Variants in MARCHF4 observed in about 807,000 individuals in gnomAD.
MARCHF4 encodes the protein E3 ubiquitin-protein ligase MARCHF4.
MARCHF4 carries 14 observed loss-of-function variants against 43.9 expected under a neutral mutation model. That is an observed-to-expected ratio of 0.32 (90% confidence interval 0.21 to 0.50). The LOEUF (loss-of-function observed/expected upper bound fraction) is 0.50. Among genes scored for constraint, MARCHF4 ranks in the 20% least tolerant of loss-of-function variants. The pLI, the probability that MARCHF4 is intolerant of heterozygous loss-of-function variation, is 0.98. For missense variants in MARCHF4, 468 were observed against 536.7 expected (o/e 0.87, Z 1.27); for synonymous variants, 226 against 213.3 (o/e 1.06, Z -0.52).
At chr2:216,267,797 A>G (rs756259406) in intron 3 of MARCHF4, among the ~76,000 whole-genome samples, 7 of 152,232 alleles carry the variant, frequency 4.6e-5, no homozygotes, top group Admixed American at 3.3e-4. Context: ...TGTGCCAAAG[A>G]CAGTTCCCAA....
chr2:216,271,020 C>G (rs374101383), intron 3 of MARCHF4, among the ~76,000 whole-genome samples: 1 of 152,226 alleles, frequency 6.6e-6, no homozygotes, highest in South Asian at 2.1e-4. Context: ...CACATCTGTT[C>G]ATATTTCCCC....
chr2:216,345,229 G>A (rs1434367710), intron 1 of MARCHF4, among the ~76,000 whole-genome samples: 1 of 151,912 alleles, frequency 6.6e-6, no homozygotes, highest in African/African-American at 2.4e-5. Flanking sequence ...TTCTCCCCAC[G>A]AATACTGTAA....
chr2:216,300,687 G>A (rs1047848359), intron 1 of MARCHF4, among the ~76,000 whole-genome samples: 1 of 151,928 alleles, frequency 6.6e-6, no homozygotes, highest in Non-Finnish European at 1.5e-5. Flanking sequence ...TACATACAAA[G>A]CTCGAAGATA....
intron 1 of MARCHF4, among the ~76,000 whole-genome samples, chr2:216,308,600 C>T (rs2105954614): frequency 6.6e-6 from 1 of 152,312 alleles, no homozygotes; most frequent in Non-Finnish European, 1.5e-5. Flanking sequence ...GCCAGGCCTG[C>T]ACTCTGCTTC....
intron 1 of MARCHF4, among the ~76,000 whole-genome samples, chr2:216,356,844 G>A (rs926281502): frequency 1.3e-5 from 2 of 152,034 alleles, no homozygotes; most frequent in Admixed American, 1.3e-4. Flanking sequence ...CCAACATGGT[G>A]AAACCCCGTC....
intron 1 of MARCHF4, among the ~76,000 whole-genome samples, chr2:216,359,266 T>C (rs1385518030): frequency 6.6e-6 from 1 of 152,202 alleles, no homozygotes; most frequent in Non-Finnish European, 1.5e-5. Context: ...ACATGCCTCT[T>C]CTTTCCTAGT....
intron 1 of MARCHF4, among the ~76,000 whole-genome samples, chr2:216,305,768 C>A (rs1330124578): frequency 6.6e-6 from 1 of 152,216 alleles, no homozygotes; most frequent in African/African-American, 2.4e-5. Context: ...CAACTTGCAT[C>A]ATCCTGGTCA....
At chr2:216,281,717 C>T (rs1691131251) in intron 2 of MARCHF4, among the ~76,000 whole-genome samples, 1 of 152,164 alleles carries the variant, frequency 6.6e-6, no homozygotes, top group African/African-American at 2.4e-5. Context: ...ATGGCATTTA[C>T]TGAGCACACA....
intron 1 of MARCHF4, among the ~76,000 whole-genome samples, chr2:216,332,506 A>G (rs1217449087): frequency 1.3e-5 from 2 of 152,022 alleles, no homozygotes; most frequent in East Asian, 3.8e-4. Context: ...ACTGCTCTGT[A>G]TACGTGCCAG....
intron 1 of MARCHF4, among the ~76,000 whole-genome samples, chr2:216,342,673 G>T (rs1345388968): frequency 6.6e-6 from 1 of 152,098 alleles, no homozygotes; most frequent in African/African-American, 2.4e-5. Context: ...GTCTTAGTGA[G>T]GACTCAGAGA....
intron 3 of MARCHF4, among the ~76,000 whole-genome samples, chr2:216,266,886 T>C (rs1052498912): frequency 4.6e-5 from 7 of 152,268 alleles, no homozygotes; most frequent in African/African-American, 1.7e-4. Flanking sequence ...TGGACACAGG[T>C]ATGGCCAGGC....
At chr2:216,305,076 A>G (rs1051873617) in intron 1 of MARCHF4, among the ~76,000 whole-genome samples, 4 of 151,586 alleles carry the variant, frequency 2.6e-5, no homozygotes, top group Non-Finnish European at 5.9e-5. Flanking sequence ...ACTACCTCAC[A>G]AGGGTACCCA....
intron 1 of MARCHF4, among the ~76,000 whole-genome samples, chr2:216,345,176 G>C (rs1178627314): frequency 1.9e-5 from 2 of 105,940 alleles, no homozygotes; most frequent in Admixed American, 9.6e-5. Context: ...TAGATCCCTT[G>C]GTCTGTGAAA....
At chr2:216,339,341 T>C (rs564471702) in intron 1 of MARCHF4, among the ~76,000 whole-genome samples, 1 of 152,320 alleles carries the variant, frequency 6.6e-6, no homozygotes, top group East Asian at 1.9e-4. Flanking sequence ...CTACTTCCCA[T>C]GGTCCTCTCT....
In MARCHF4 at chr2:216,293,886, T is replaced by C. The variant is rs899031428; in HGVS notation, c.517-10157A>G. ...GGGTCTGGCGGAAAAAAAGGTCACG[T>C]TTAATGTGTACATTTATAATCATAT... On this transcript the variant is annotated intron_variant, in intron 1 of 3. Transcript: ENST00000273067. Among the ~76,000 whole-genome samples the C allele has an allele frequency of 3.0e-5, 4 of 134,052 alleles. 1 individual carries two copies. The highest frequency in any genetic ancestry group is 9.9e-5 in the African/African-American group (4 of 40,506). 87.9% of individuals were successfully genotyped at this position (134,052 alleles called of 152,430 possible).
At position 216,346,447 on chromosome 2, in the gene MARCHF4, T is replaced by C. The variant is rs374171821; in HGVS notation, c.516+23298A>G. ...CCTCAGTGTGCCAGCCTCTGCAAAATACTGAAGTAGACACAACACCTGCCC... is the reference window on the plus strand; with the variant it reads ...CCTCAGTGTGCCAGCCTCTGCAAAACACTGAAGTAGACACAACACCTGCCC... On this transcript the variant is annotated intron_variant, in intron 1 of 3. Coordinates refer to ENST00000273067, the MANE Select transcript of MARCHF4 (RefSeq NM_020814.3). Among the ~76,000 whole-genome samples, 37 of 152,304 alleles carry C rather than the reference T, an allele frequency of 2.4e-4. No homozygotes were observed. The South Asian group carries it at 7.2e-3, about 30-fold the overall frequency.
intron 1 of MARCHF4, among the ~76,000 whole-genome samples, chr2:216,347,611 C>T (rs554377286): frequency 6.6e-6 from 1 of 151,884 alleles, no homozygotes; most frequent in Admixed American, 6.5e-5. Flanking sequence ...GCCTGTAATC[C>T]CAGTTACTCA....
chr2:216,287,855 G>C (rs999366463), intron 1 of MARCHF4, among the ~76,000 whole-genome samples: 14 of 151,716 alleles, frequency 9.2e-5, no homozygotes, highest in Admixed American at 4.6e-4. Flanking sequence ...TTGAGTGTCT[G>C]TTCACCAGCT....
chr2:216,288,688 G>C (rs2105943572), intron 1 of MARCHF4, among the ~76,000 whole-genome samples: 1 of 152,184 alleles, frequency 6.6e-6, no homozygotes, highest in Middle Eastern at 3.4e-3. Flanking sequence ...CTAGAGGCAG[G>C]AGGCAGGAGG....
Sources: allele counts gnomAD v4.1 joint callset (sites outside exome capture counted in the v4.1 genomes callset), GRCh38; gene constraint gnomAD v4.1.1; transcripts MANE v1.5; gene names NCBI Gene and HGNC (gene_info 2026-07-23, HGNC 2026-07-21).